USP34: variants seen among roughly 807,000 people sequenced by gnomAD.
USP34 encodes ubiquitin carboxyl-terminal hydrolase 34.
In USP34, 70 loss-of-function variants were observed where a neutral mutation model predicts 460.3. That is an observed-to-expected ratio of 0.15 (90% confidence interval 0.13 to 0.19). The LOEUF is 0.19. Ranked by LOEUF, USP34 falls within the 10% of genes least tolerant of loss-of-function variation. The probability of loss-of-function intolerance (pLI) is 1.00; values close to 1 mark genes in which losing one functional copy is unlikely to be tolerated. For missense variants in USP34, 3,985 were observed against 4,236.2 expected, an observed-to-expected ratio of 0.94 and a Z score of 1.65; for synonymous variants, 1,647 against 1,405.3, an observed-to-expected ratio of 1.17 and a Z score of -3.85.
rs1558456592 is a variant in USP34, at chr2:61,190,337, A to G, written c.9807T>C (p.Tyr3269=). 1 of 1,613,908 alleles carries G rather than the reference A, an allele frequency of 6.2e-7. No homozygotes were observed. The highest frequency in any genetic ancestry group is 8.5e-7 in the Non-Finnish European group (1 of 1,179,940). ...STLITNLISQ[Y]QNLQSDFSNR... ...TGGAGAAATCAGACTGTAGGTTCTG[A>G]TACTGGCTTATCAAGTTTGTAATAA... The change falls in exon 78 of 80, where the codon TAT becomes TAC. Residue 3269 remains tyrosine (Y), a synonymous_variant. Transcript: ENST00000398571.
At chr2:61,301,716 T>C (rs1690231092) in intron 27 of USP34, among the ~76,000 whole-genome samples, 1 of 152,218 alleles carries the variant, frequency 6.6e-6, no homozygotes, top group African/African-American at 2.4e-5. Flanking sequence ...TTGCCCTTTC[T>C]TGAAAATAAC....
chr2:61,277,356 C>G (rs1452983125), intron 41 of USP34, among the ~76,000 whole-genome samples: 2 of 151,960 alleles, frequency 1.3e-5, no homozygotes, highest in Non-Finnish European at 2.9e-5. Flanking sequence ...CCCACCTCAG[C>G]CTCCTGAGTA....
In USP34 at chr2:61,403,992, C is replaced by CAAAAA. The variant is rs71405114; in HGVS notation, c.552+1711_552+1715dup. On this transcript the variant is annotated intron_variant, in intron 3 of 79. Transcript: ENST00000398571. ...TGGGCGACAGATCAAGACTCTATCT[C>CAAAAA]AAAAAAAAAAAAAAAAAAAAAAAAA... 3.8e-3 allele frequency among the ~76,000 whole-genome samples: 110 copies of CAAAAA among 29,126 alleles called. 17 individuals carry two copies. The highest frequency in any genetic ancestry group is 5.5e-3 in the Non-Finnish European group (75 of 13,588). 19.1% of individuals were successfully genotyped at this position (29,126 alleles called of 152,430 possible). A position where few individuals can be genotyped will look rare whatever the true frequency, so the allele number is the denominator to read the frequency against.
chr2:61,259,403 T>C (rs1317752825), intron 44 of USP34, among the ~76,000 whole-genome samples: 1 of 152,154 alleles, frequency 6.6e-6, no homozygotes, highest in Non-Finnish European at 1.5e-5. Flanking sequence ...TTCTTTTTTT[T>C]TTGAGACAGA....
At chr2:61,316,116 G>T (rs1440706220) in intron 23 of USP34, among the ~76,000 whole-genome samples, 1 of 151,924 alleles carries the variant, frequency 6.6e-6, no homozygotes, top group Non-Finnish European at 1.5e-5. Context: ...TGAAGCAAGA[G>T]AATTGGTTGA....
intron 5 of USP34, among the ~76,000 whole-genome samples, chr2:61,391,474 A>G (rs1572995916): frequency 6.6e-6 from 1 of 152,194 alleles, no homozygotes; most frequent in East Asian, 1.9e-4. Context: ...GTTAGTCCGT[A>G]TCTTTCCTGC....
At chr2:61,350,547 A>G in intron 11 of USP34, 21 bp downstream of exon 11, 4 of 1,575,772 alleles carry the variant, frequency 2.5e-6, no homozygotes, top group Non-Finnish European at 3.4e-6. Context: ...AAAAAAAACT[A>G]TCATGTTTTG....
intron 1 of USP34, among the ~76,000 whole-genome samples, chr2:61,468,043 TA>T (rs1695834423): frequency 6.6e-6 from 1 of 152,082 alleles, no homozygotes; most frequent in African/African-American, 2.4e-5. Flanking sequence ...GAAACACATA[TA>T]ATCTACTTCA....
At position 61,405,931 on chromosome 2, in the gene USP34, T is replaced by A. The variant is rs765835520; in HGVS notation, c.329A>T (p.Glu110Val). Residue 110 changes from glutamate to valine, a missense_variant, in exon 3 of 80, where the codon GAG becomes GTG. This residue lies in a region of USP34 where 331 missense variants were observed against 293.7 expected (regional missense o/e 1.13). Coordinates refer to ENST00000398571, the MANE Select transcript of USP34 (RefSeq NM_014709.4). ...QAEEPLNIDR[E>V]CNEGSTERQK... ...TCTTTCTGTACTTCCTTCATTACAC[T>A]CTCTATCTATATTCAGTGGTTCTTC... 28 of 1,613,630 alleles carry A rather than the reference T, an allele frequency of 1.7e-5. No homozygotes were observed. In the East Asian group the frequency reaches 5.4e-4, roughly 31 times the overall value.
chr2:61,440,164 T>C (rs1281842653), intron 1 of USP34, among the ~76,000 whole-genome samples: 1 of 152,022 alleles, frequency 6.6e-6, no homozygotes, highest in Non-Finnish European at 1.5e-5. Flanking sequence ...GGCATCAGGG[T>C]GGGCTGCTTG....
chr2:61,245,325 A>G (rs1044977403), intron 50 of USP34, 37 bp from the exon 51 acceptor site: 5 of 1,200,884 alleles, frequency 4.2e-6, no homozygotes, highest in Non-Finnish European at 5.8e-6. Context: ...TAGTATGCAT[A>G]TAATGAGTAT....
At chr2:61,238,885 C>T (rs1479839826) in intron 53 of USP34, among the ~76,000 whole-genome samples, 1 of 152,008 alleles carries the variant, frequency 6.6e-6, no homozygotes, top group Admixed American at 6.6e-5. Context: ...TCTATTGGCA[C>T]CATTTTTCTA....
chr2:61,304,272 AAC>A (rs1278022875), intron 27 of USP34, among the ~76,000 whole-genome samples: 8 of 152,340 alleles, frequency 5.3e-5, no homozygotes, highest in Middle Eastern at 3.4e-3. Flanking sequence ...GCAATATTAA[AAC>A]ACTCTCAGTC....
At chr2:61,258,360 T>C (rs1026023598) in intron 44 of USP34, among the ~76,000 whole-genome samples, 3 of 152,062 alleles carry the variant, frequency 2.0e-5, no homozygotes, top group Non-Finnish European at 2.9e-5. Flanking sequence ...CAAAGAAGTA[T>C]GACACAATCC....
At chr2:61,235,770 T>C (rs1688049597) in intron 57 of USP34, 75 bp downstream of exon 57, 9 of 1,450,440 alleles carry the variant, frequency 6.2e-6, no homozygotes, top group African/African-American at 1.4e-5. Flanking sequence ...AACTCTGCTG[T>C]AGCATCTTAG....
chr2:61,358,193 A>AAATAAATAAAT (rs1692163577), intron 10 of USP34, among the ~76,000 whole-genome samples: 1 of 148,556 alleles, frequency 6.7e-6, no homozygotes, highest in Admixed American at 6.8e-5. Context: ...GATTCCATCT[A>AAATAAATAAAT]AAATAAATAA....
At chr2:61,206,160 G>C (rs2103774592) in intron 71 of USP34, 36 bp from the exon 72 acceptor site, 1 of 1,537,438 alleles carries the variant, frequency 6.5e-7, no homozygotes, top group African/African-American at 1.4e-5. Context: ...TATGCCATCT[G>C]AGATCAAACT....
chr2:61,396,081 A>C (rs921600620), intron 3 of USP34, among the ~76,000 whole-genome samples: 2 of 152,118 alleles, frequency 1.3e-5, no homozygotes, highest in Non-Finnish European at 2.9e-5. Context: ...GTTTAAAATA[A>C]AACTCAAGGT....
chr2:61,388,796 C>A (rs975520418), intron 5 of USP34, among the ~76,000 whole-genome samples: 10 of 152,106 alleles, frequency 6.6e-5, no homozygotes, highest in African/African-American at 2.4e-4. Flanking sequence ...TACACACACA[C>A]ACACACAAAC....
Sources: allele counts gnomAD v4.1 joint callset (sites outside exome capture counted in the v4.1 genomes callset), GRCh38; gene constraint gnomAD v4.1.1; regional missense constraint gnomAD v4.1.1; transcripts MANE v1.5; gene names NCBI Gene and HGNC (gene_info 2026-07-23, HGNC 2026-07-21).